The following INPP4B variants were observed in gnomAD, a reference collection of about 807,000 sequenced individuals.
INPP4B encodes the protein inositol polyphosphate 4-phosphatase type II.
Under a neutral mutation model 122.5 loss-of-function variants are expected in INPP4B, and 55 were observed. That is an observed-to-expected ratio of 0.45 (90% CI 0.36 to 0.56). The LOEUF is 0.56. INPP4B is among the 20% of genes least tolerant of loss of function. The pLI, the probability that INPP4B is intolerant of heterozygous loss-of-function variation, is 0.00. For synonymous variants in INPP4B, 403 were observed against 388.7 expected, an observed-to-expected ratio of 1.04 and a Z score of -0.43; for missense variants, 1,000 against 1,097.7, an observed-to-expected ratio of 0.91 and a Z score of 1.26.
intron 24 of INPP4B, among the ~76,000 whole-genome samples, chr4:142,082,955 C>A (rs1457714836): frequency 6.6e-6 from 1 of 152,032 alleles, no homozygotes; most frequent in East Asian, 1.9e-4. Context: ...AACAAAGCCT[C>A]CTCTCTATTT....
chr4:142,488,837 TA>T (rs1227436348), intron 2 of INPP4B, among the ~76,000 whole-genome samples: 4 of 152,106 alleles, frequency 2.6e-5, no homozygotes, highest in Non-Finnish European at 4.4e-5. Context: ...TCCAGTCTTT[TA>T]TTTTTTTTCA....
At chr4:142,396,232 T>A (rs574348066) in intron 7 of INPP4B, among the ~76,000 whole-genome samples, 1 of 152,218 alleles carries the variant, frequency 6.6e-6, no homozygotes, top group African/African-American at 2.4e-5. Flanking sequence ...AGCACTTGTA[T>A]CCACAATGTA....
chr4:142,553,610 T>C (rs988272794), intron 2 of INPP4B, among the ~76,000 whole-genome samples: 2 of 152,190 alleles, frequency 1.3e-5, no homozygotes, highest in Non-Finnish European at 2.9e-5. Context: ...TGAGACATAG[T>C]CCATGCTGGC....
chr4:142,232,966 A>G (rs1257361469), intron 12 of INPP4B, among the ~76,000 whole-genome samples: 2 of 152,156 alleles, frequency 1.3e-5, no homozygotes, highest in African/African-American at 2.4e-5. Flanking sequence ...AGAGGTGAGT[A>G]AGCCAAAGAA....
intron 18 of INPP4B, 87 bp from the exon 19 acceptor site, chr4:142,124,847 T>C (rs1038433601): frequency 6.9e-6 from 7 of 1,014,362 alleles, no homozygotes; most frequent in Non-Finnish European, 9.5e-6. Context: ...TTATTTTTAA[T>C]TTTTCAGTAA....
chr4:142,274,071 A>C (rs1388248883), intron 9 of INPP4B, among the ~76,000 whole-genome samples: 1 of 151,744 alleles, frequency 6.6e-6, no homozygotes, highest in Non-Finnish European at 1.5e-5. Context: ...AAGATTTAGG[A>C]AAAAAAATTC....
intron 7 of INPP4B, among the ~76,000 whole-genome samples, chr4:142,326,676 G>A (rs953849428): frequency 2.0e-4 from 30 of 152,118 alleles, no homozygotes; most frequent in African/African-American, 5.8e-4. Context: ...CATTAGACCC[G>A]GATGGTGATA....
chr4:142,365,105 A>G (rs1220492188), intron 7 of INPP4B, among the ~76,000 whole-genome samples: 1 of 152,142 alleles, frequency 6.6e-6, no homozygotes, highest in Non-Finnish European at 1.5e-5. Context: ...AAAGTTTTAT[A>G]AAAGACATGA....
chr4:142,780,420 T>C (rs1270400264), intron 1 of INPP4B, among the ~76,000 whole-genome samples: 1 of 152,118 alleles, frequency 6.6e-6, no homozygotes, highest in African/African-American at 2.4e-5. Context: ...AAATAGAACA[T>C]AAAATCACAG....
At chr4:142,124,020 C>T (rs1319153041) in intron 19 of INPP4B, among the ~76,000 whole-genome samples, 1 of 152,034 alleles carries the variant, frequency 6.6e-6, no homozygotes. Context: ...AGGAAGGCAC[C>T]AGCACACCCA....
At chr4:142,363,518 C>T (rs181957172) in intron 7 of INPP4B, among the ~76,000 whole-genome samples, 1 of 152,078 alleles carries the variant, frequency 6.6e-6, no homozygotes, top group Admixed American at 6.6e-5. Flanking sequence ...TTGAGCCTCA[C>T]ATGCTTCTGA....
chr4:142,202,135 T>A (rs953749770), intron 14 of INPP4B, among the ~76,000 whole-genome samples: 9 of 152,020 alleles, frequency 5.9e-5, no homozygotes, highest in Non-Finnish European at 8.8e-5. Context: ...AAGTAATAGA[T>A]AAGTAGAATT....
chr4:142,041,775 T>C (rs910757489), intron 25 of INPP4B, among the ~76,000 whole-genome samples: 1 of 152,236 alleles, frequency 6.6e-6, no homozygotes, highest in Non-Finnish European at 1.5e-5. Flanking sequence ...CAGCATCCTT[T>C]GTTTTACATA....
chr4:142,564,196 G>T (rs537853856), intron 2 of INPP4B, among the ~76,000 whole-genome samples: 2 of 152,106 alleles, frequency 1.3e-5, no homozygotes, highest in Non-Finnish European at 2.9e-5. Flanking sequence ...GTCCTTTGGG[G>T]AAACAGAACT....
At chr4:142,540,050 T>C (rs916729216) in intron 2 of INPP4B, among the ~76,000 whole-genome samples, 1 of 152,104 alleles carries the variant, frequency 6.6e-6, no homozygotes, top group African/African-American at 2.4e-5. Flanking sequence ...GGAGAAATAC[T>C]TTTTTACACA....
chr4:142,184,668 T>C (rs183337813), intron 15 of INPP4B, among the ~76,000 whole-genome samples: 57 of 152,346 alleles, frequency 3.7e-4, no homozygotes, highest in Admixed American at 6.5e-4. Context: ...TCAGAGCACA[T>C]ACAGTCTAGA....
intron 1 of INPP4B, among the ~76,000 whole-genome samples, chr4:142,837,768 T>A (rs554352276): frequency 1.3e-5 from 2 of 152,078 alleles, no homozygotes; most frequent in Non-Finnish European, 2.9e-5. Context: ...GTAATATGTA[T>A]AAGGCACTTT....
At chr4:142,825,786 TA>T (rs1005441916) in intron 1 of INPP4B, among the ~76,000 whole-genome samples, 9 of 150,726 alleles carry the variant, frequency 6.0e-5, no homozygotes, top group East Asian at 1.9e-4. Context: ...GGATAAAATA[TA>T]AAAAAAAATA....
At chr4:142,753,563 C>T (rs1014402614) in intron 1 of INPP4B, among the ~76,000 whole-genome samples, 1 of 151,900 alleles carries the variant, frequency 6.6e-6, no homozygotes, top group African/African-American at 2.4e-5. Context: ...TTGCTCTTGA[C>T]CAGATTTAAG....
Sources: allele counts gnomAD v4.1 joint callset (sites outside exome capture counted in the v4.1 genomes callset), GRCh38; gene constraint gnomAD v4.1.1; transcripts MANE v1.5; gene names NCBI Gene and HGNC (gene_info 2026-07-23, HGNC 2026-07-21).